PLTP: variants seen among roughly 807,000 people sequenced by gnomAD.
PLTP encodes the protein phospholipid transfer protein.
PLTP carries 43 observed loss-of-function variants against 54.1 expected under a neutral mutation model. The ratio of observed to expected loss-of-function variants is 0.79; its 90% CI spans 0.62 to 1.02. The LOEUF is 1.02. PLTP is among the 50% of genes least tolerant of loss of function. The pLI is 0.00. For missense variants in PLTP, 604 were observed against 645.9 expected (o/e 0.94, Z 0.70); for synonymous variants, 263 against 264.6 (o/e 0.99, Z 0.06).
At position 45,899,455 on chromosome 20, in the gene PLTP, C is replaced by T. The variant is rs2083153113; in HGVS notation, c.1359+7G>A. 2 of 1,613,796 alleles carry T rather than the reference C, an allele frequency of 1.2e-6. No homozygotes were observed. The highest frequency in any genetic ancestry group is 2.7e-5 in the African/African-American group (2 of 74,854). ...CCTCCCTCCTTCCCCATCCTGCCCC[C>T]ACTCACCGCATGGTTCGTCACCACC... is the stretch of plus-strand genomic sequence containing the variant. On this transcript the variant is annotated splice_region_variant and intron_variant, in intron 15 of 15. Transcript: ENST00000372431.
intron 5 of PLTP, among the ~76,000 whole-genome samples, chr20:45,908,583 T>C (rs1388570136): frequency 6.6e-6 from 1 of 152,142 alleles, no homozygotes; most frequent in African/African-American, 2.4e-5. Flanking sequence ...ACAGACCACC[T>C]GAGATCAGGA....
chr20:45,909,843 A>T, intron 4 of PLTP, 99 bp downstream of exon 4: 4 of 1,510,720 alleles, frequency 2.6e-6, no homozygotes, highest in Non-Finnish European at 3.7e-6. Context: ...AGATGAAGAA[A>T]CGGAAACTCA....
chr20:45,899,047 C>T lies in PLTP; in HGVS notation c.1376G>A (p.Gly459Glu). The T allele has an allele frequency of 6.2e-7, 1 of 1,614,116 alleles. No homozygotes were observed. Among genetic ancestry groups the T allele is most frequent in the Non-Finnish European group, 8.5e-7 (1 of 1,180,026 alleles). ...VTNHAGFLTI[G>E]ADLHFAKGLR... ...CCCTTTGGCAAAGTGGAGATCAGCC[C>T]CGATGGTGAGGAATCCCTGTGTTGG... The change falls in exon 16 of 16, where the codon GGG (glycine) becomes GAG (glutamate). Residue 459 changes from glycine (G) to glutamate (E), a missense_variant. Gly to Glu is a moderately conservative substitution (Grantham distance 98, BLOSUM62 -2). Coordinates refer to ENST00000372431, the MANE Select transcript of PLTP (RefSeq NM_006227.4).
chr20:45,907,802 G>C (rs1281516910), intron 6 of PLTP, 39 bp downstream of exon 6: 1 of 1,608,046 alleles, frequency 6.2e-7, no homozygotes, highest in African/African-American at 1.3e-5. Flanking sequence ...GTGAGAGCAT[G>C]CCCACCCTTG....
intron 5 of PLTP, 31 bp from the exon 6 acceptor site, chr20:45,907,935 A>C: frequency 6.5e-7 from 1 of 1,549,852 alleles, no homozygotes; most frequent in Non-Finnish European, 8.7e-7. Context: ...GGATGAGCCC[A>C]GAACCTGCCT....
chr20:45,909,506 TG>T lies in PLTP; in HGVS notation c.485+9del. On this transcript the variant is annotated intron_variant, in intron 5 of 15. Coordinates refer to ENST00000372431, the MANE Select transcript of PLTP (RefSeq NM_006227.4). ...GAAAAGGGTGAGCTGGGGTTGGGGC[TG>T]GGGCTTACTTGAAGGTTCCCCCGAA... The T allele has an allele frequency of 6.2e-7, 1 of 1,614,002 alleles. No homozygotes were observed.
At chr20:45,899,911 A>G (rs1246215771) in intron 12 of PLTP, 33 bp from the exon 13 acceptor site, 1 of 1,515,438 alleles carries the variant, frequency 6.6e-7, no homozygotes, top group South Asian at 1.2e-5. Context: ...GTGGGCAGGA[A>G]GCCTGGAAGC....
intron 7 of PLTP, 38 bp downstream of exon 7, chr20:45,907,654 G>C: frequency 6.3e-7 from 1 of 1,587,404 alleles, no homozygotes; most frequent in Non-Finnish European, 8.6e-7. Flanking sequence ...GGTGCTGCAT[G>C]ACAGCTGCAC....
At position 45,907,756 on chromosome 20, in the gene PLTP, C is replaced by A; in HGVS notation, c.550-1G>T. On this transcript the variant is annotated splice_acceptor_variant, in intron 6 of 15. Transcript: ENST00000372431. LOFTEE classifies it high-confidence loss of function. ...CTGCGTGGTAGAGGACAGGGCAGATCTGCGAGGTGGGAGCCAGAGTCAGGG... is the reference window on the plus strand; with the variant it reads ...CTGCGTGGTAGAGGACAGGGCAGATATGCGAGGTGGGAGCCAGAGTCAGGG... The A allele has an allele frequency of 1.2e-6, 2 of 1,613,582 alleles. No individual in the cohort carries two copies. Among genetic ancestry groups the A allele is most frequent in the Non-Finnish European group, 1.7e-6 (2 of 1,179,916 alleles).
chr20:45,902,374 G>A (rs1358007196), intron 11 of PLTP, 40 bp from the exon 12 acceptor site: 1 of 1,614,044 alleles, frequency 6.2e-7, no homozygotes, highest in Non-Finnish European at 8.5e-7. Context: ...TGACCCAGAA[G>A]GTCAGTAACC....
chr20:45,909,554 A>G lies in PLTP; in HGVS notation c.447T>C (p.Ser149=). 1 of 1,614,222 alleles carries G rather than the reference A, an allele frequency of 6.2e-7. No individual in the cohort carries two copies. Among genetic ancestry groups the G allele is most frequent in the Non-Finnish European group, 8.5e-7 (1 of 1,180,038 alleles). The part of the protein sequence containing the change: ...MKVSNVSCQA[S]VSRMHAAFGG... The stretch of plus-strand genomic sequence containing the variant: ...CGAAGGCCGCGTGCATTCTGGAGAC[A>G]GAGGCCTGGCAGGAGACATTGGACA... Residue 149 remains serine, a synonymous_variant, in exon 5 of 16, where the codon TCT becomes TCC. Coordinates refer to ENST00000372431, the MANE Select transcript of PLTP (RefSeq NM_006227.4).
intron 2 of PLTP, 35 bp downstream of exon 2, chr20:45,911,318 G>T (rs373491091): frequency 2.6e-5 from 42 of 1,613,490 alleles, no homozygotes; most frequent in Non-Finnish European, 3.3e-5. Context: ...AACCCCGTCC[G>T]CTCCCGTCCG....
intron 12 of PLTP, among the ~76,000 whole-genome samples, chr20:45,901,486 C>T (rs1044478534): frequency 1.3e-5 from 2 of 152,000 alleles, no homozygotes; most frequent in Non-Finnish European, 2.9e-5. Flanking sequence ...CCCAGTTACT[C>T]GGGAGGCTGA....
chr20:45,906,049 G>A (rs1292643985), intron 8 of PLTP, among the ~76,000 whole-genome samples: 1 of 152,182 alleles, frequency 6.6e-6, no homozygotes, highest in African/African-American at 2.4e-5. Context: ...AAAGAAACAG[G>A]ATGAGATATA....
chr20:45,905,421 A>G (rs1392931742), intron 8 of PLTP, among the ~76,000 whole-genome samples: 1 of 152,238 alleles, frequency 6.6e-6, no homozygotes. Context: ...TATATTGTGC[A>G]TACTCATGCT....
Position 45,907,878 on chromosome 20 carries a change from A to T in PLTP, c.512T>A (p.Phe171Tyr), listed in dbSNP as rs759180952. The T allele has an allele frequency of 4.4e-6, 7 of 1,589,556 alleles. No homozygotes were observed. Among genetic ancestry groups the T allele is most frequent in the Non-Finnish European group, 6.0e-6 (7 of 1,168,648 alleles). Residue 171 changes from phenylalanine to tyrosine, a missense_variant, in exon 6 of 16, where the codon TTC becomes TAC. By Grantham distance (22) the Phe-to-Tyr change is conservative. Coordinates refer to ENST00000372431, the MANE Select transcript of PLTP (RefSeq NM_006227.4). The stretch of plus-strand genomic sequence containing the variant: ...GAGGAAGCGCATCCCTGAGGTGATG[A>T]ACGTGGAGAGAAAATCATACACCTT... ...FKKVYDFLST[F>Y]ITSGMRFLLN...
chr20:45,911,218 T>G lies in PLTP; in HGVS notation c.134A>C (p.Glu45Ala). The change falls in exon 3 of 16, where the codon GAG becomes GCG. Residue 45 changes from glutamate (E) to alanine (A), a missense_variant. Coordinates refer to ENST00000372431, the MANE Select transcript of PLTP (RefSeq NM_006227.4). ...GTCCGGAATGGTGATAGTCTCCAGC[T>G]CTTGCTCCAGAAAGCGCAGCCCCTC... is the stretch of plus-strand genomic sequence containing the variant. ...KQEGLRFLEQ[E>A]LETITIPDLR... The G allele has an allele frequency of 6.2e-7, 1 of 1,614,072 alleles. No individual in the cohort carries two copies.
In PLTP at chr20:45,911,420, C is replaced by T; in HGVS notation, c.33G>A (p.Leu11=). Residue 11 remains leucine, a synonymous_variant, in exon 2 of 16, where the codon CTG becomes CTA. Coordinates refer to ENST00000372431, the MANE Select transcript of PLTP (RefSeq NM_006227.4). MALFGALFLA[L]LAGAHAEFPG... ...GGAACTCTGCATGTGCGCCTGCCAG[C>T]AGCGCTAGGAAGAGGGCCCCGAAGA... 6.2e-7 allele frequency: 1 copy of T among 1,607,552 alleles called. No individual in the cohort carries two copies. Among genetic ancestry groups the T allele is most frequent in the South Asian group, 1.1e-5 (1 of 91,092 alleles).
At chr20:45,905,267 A>G in intron 8 of PLTP, 149 bp from the exon 9 acceptor site, 1 of 700,012 alleles carries the variant, frequency 1.4e-6, no homozygotes, top group East Asian at 2.7e-5. Flanking sequence ...CACATCTCTT[A>G]AAAGGCATTG....
Sources: gnomAD v4.1 joint callset for allele counts (sites outside exome capture counted in the v4.1 genomes callset) on GRCh38, gnomAD v4.1.1 for gene constraint, MANE v1.5 for transcripts, NCBI Gene and HGNC (gene_info 2026-07-23, HGNC 2026-07-21) for gene names.